Variants in FSHR observed in about 807,000 individuals in gnomAD.
FSHR encodes follicle-stimulating hormone receptor.
FSHR carries 46 observed loss-of-function variants against 52.1 expected under a neutral mutation model. That is an observed-to-expected ratio of 0.88 (90% CI 0.70 to 1.13). The LOEUF (loss-of-function observed/expected upper bound fraction) is 1.13, where lower values mean the gene tolerates loss of function less well. Ranked by LOEUF, FSHR falls within the 50% of genes most tolerant of loss-of-function variation. The probability of loss-of-function intolerance (pLI) is 0.00; values close to 1 mark genes in which losing one functional copy is unlikely to be tolerated. For synonymous variants in FSHR, 399 were observed against 309.6 expected, an observed-to-expected ratio of 1.29 and a Z score of -3.03; for missense variants, 964 against 834.6, an observed-to-expected ratio of 1.16 and a Z score of -1.91.
intron 1 of FSHR, among the ~76,000 whole-genome samples, chr2:49,142,543 C>T (rs1479571467): frequency 6.6e-6 from 1 of 152,212 alleles, no homozygotes; most frequent in Non-Finnish European, 1.5e-5. Flanking sequence ...TCCTGACTCT[C>T]TGGCACCTCA....
chr2:49,066,904 C>T (rs574943868), intron 2 of FSHR, among the ~76,000 whole-genome samples: 4 of 152,146 alleles, frequency 2.6e-5, no homozygotes, highest in Non-Finnish European at 4.4e-5. Flanking sequence ...GCAAGGGAAT[C>T]GCGAATACAT....
intron 3 of FSHR, among the ~76,000 whole-genome samples, chr2:49,017,850 G>A (rs1322728571): frequency 6.6e-6 from 1 of 152,112 alleles, no homozygotes; most frequent in Non-Finnish European, 1.5e-5. Context: ...GGCTGGGTGG[G>A]TTCTTGTCAC....
At chr2:49,084,045 T>A (rs1670278506) in intron 1 of FSHR, among the ~76,000 whole-genome samples, 1 of 151,172 alleles carries the variant, frequency 6.6e-6, no homozygotes, top group Non-Finnish European at 1.5e-5. Flanking sequence ...AATATACATT[T>A]TTTTCAGCAC....
At chr2:49,050,096 T>C (rs985022228) in intron 2 of FSHR, among the ~76,000 whole-genome samples, 1 of 152,048 alleles carries the variant, frequency 6.6e-6, no homozygotes, top group African/African-American at 2.4e-5. Flanking sequence ...ACAAAAATAG[T>C]TATTTTCAGA....
intron 1 of FSHR, among the ~76,000 whole-genome samples, chr2:49,103,643 G>T (rs1671114734): frequency 6.6e-6 from 1 of 152,072 alleles, no homozygotes; most frequent in South Asian, 2.1e-4. Flanking sequence ...GTACAGTGAG[G>T]ACCTATCCCT....
intron 1 of FSHR, among the ~76,000 whole-genome samples, chr2:49,098,308 A>G (rs1670900370): frequency 1.3e-5 from 2 of 152,168 alleles, no homozygotes; most frequent in African/African-American, 4.8e-5. Flanking sequence ...ATAATTATAA[A>G]GGCACATGAT....
Position 48,964,290 on chromosome 2 carries a change from C to T in FSHR, c.855-324G>A, listed in dbSNP as rs1323537373. Among the ~76,000 whole-genome samples the T allele has an allele frequency of 6.6e-5, 10 of 152,234 alleles. No individual in the cohort carries two copies. In the East Asian group the frequency reaches 1.9e-3, roughly 29 times the overall value. On this transcript the variant is annotated intron_variant, in intron 9 of 9. Transcript: ENST00000406846. ...TTTACAGAGCTGGCATCAACTCGAC[C>T]CTTTTCCTTCTCCCATCTTGATCCA...
chr2:49,003,882 T>G (rs758587391), intron 4 of FSHR, among the ~76,000 whole-genome samples: 2 of 149,476 alleles, frequency 1.3e-5, no homozygotes, highest in African/African-American at 2.5e-5. Flanking sequence ...CCCTGCCTCC[T>G]CTGGCCCATC....
In FSHR at chr2:48,990,986, C is replaced by G. The variant is rs76132138; in HGVS notation, c.375-349G>C. The stretch of plus-strand genomic sequence containing the variant: ...AAATTTCCCCTATTTCCAACCTCAT[C>G]ATACTTGTTGGAAAACTCCTTTCTC... On this transcript the variant is annotated intron_variant, in intron 4 of 9. Coordinates refer to ENST00000406846, the MANE Select transcript of FSHR (RefSeq NM_000145.4). Among the ~76,000 whole-genome samples, 672 of 152,180 alleles carry G rather than the reference C, an allele frequency of 4.4e-3. 23 individuals carry two copies. The highest frequency in any genetic ancestry group is 0.03 in the Admixed American group (456 of 15,284).
At chr2:49,097,159 G>A (rs534317937) in intron 1 of FSHR, among the ~76,000 whole-genome samples, 2 of 152,240 alleles carry the variant, frequency 1.3e-5, no homozygotes, top group Admixed American at 1.3e-4. Context: ...TATATAAAAT[G>A]TTCTGCTTTT....
At chr2:49,145,120 T>A (rs1366987394) in intron 1 of FSHR, among the ~76,000 whole-genome samples, 1 of 152,056 alleles carries the variant, frequency 6.6e-6, no homozygotes, top group Non-Finnish European at 1.5e-5. Flanking sequence ...CATAAAATAG[T>A]ATTTATCAAT....
intron 1 of FSHR, among the ~76,000 whole-genome samples, chr2:49,075,925 A>G (rs1322489519): frequency 1.3e-5 from 2 of 152,154 alleles, no homozygotes; most frequent in African/African-American, 4.8e-5. Context: ...CAGGCATGAG[A>G]CACCACAGCT....
chr2:49,131,683 A>G (rs1461694351), intron 1 of FSHR, among the ~76,000 whole-genome samples: 1 of 152,042 alleles, frequency 6.6e-6, no homozygotes, highest in Non-Finnish European at 1.5e-5. Flanking sequence ...CCTCTCCCCT[A>G]CTCAAGCACT....
In FSHR at chr2:48,990,649, C is replaced by G. The variant is rs574746126; in HGVS notation, c.375-12G>C. 6.5e-7 allele frequency: 1 copy of G among 1,545,218 alleles called. No homozygotes were observed. The highest frequency in any genetic ancestry group is 8.9e-7 in the Non-Finnish European group (1 of 1,117,846). On this transcript the variant is annotated splice_polypyrimidine_tract_variant and intron_variant, in intron 4 of 9. Transcript: ENST00000406846. ...TGTTGGATATTAACCTAGAGAGAAACAAAATGAGAGTGAGTGAAAATGAAA... is the reference window on the plus strand; with the variant it reads ...TGTTGGATATTAACCTAGAGAGAAAGAAAATGAGAGTGAGTGAAAATGAAA...
chr2:49,089,094 T>G (rs1670503155), intron 1 of FSHR, among the ~76,000 whole-genome samples: 1 of 89,648 alleles, frequency 1.1e-5, no homozygotes, highest in Admixed American at 1.1e-4. Flanking sequence ...AATTCACTTC[T>G]AATATAATAT....
At chr2:49,126,145 A>C (rs1671988994) in intron 1 of FSHR, among the ~76,000 whole-genome samples, 1 of 152,212 alleles carries the variant, frequency 6.6e-6, no homozygotes. Flanking sequence ...GTGGTGTTAT[A>C]ACAGAATATC....
At chr2:49,035,128 A>T (rs1668233054) in intron 2 of FSHR, among the ~76,000 whole-genome samples, 1 of 152,162 alleles carries the variant, frequency 6.6e-6, no homozygotes, top group African/African-American at 2.4e-5. Context: ...ACTTTATATA[A>T]AGCATTGCTC....
At chr2:49,056,258 A>G (rs2104313938) in intron 2 of FSHR, among the ~76,000 whole-genome samples, 1 of 151,994 alleles carries the variant, frequency 6.6e-6, no homozygotes, top group East Asian at 1.9e-4. Flanking sequence ...TTTACCTGTA[A>G]AGACACATAG....
intron 1 of FSHR, among the ~76,000 whole-genome samples, chr2:49,149,080 T>G (rs138559514): frequency 1.3e-5 from 2 of 152,064 alleles, no homozygotes; most frequent in African/African-American, 4.8e-5. Flanking sequence ...AAAAATATTA[T>G]TATTAGTAGC....
Sources: gnomAD v4.1 joint callset for allele counts (sites outside exome capture counted in the v4.1 genomes callset) on GRCh38, gnomAD v4.1.1 for gene constraint, MANE v1.5 for transcripts, NCBI Gene and HGNC (gene_info 2026-07-23, HGNC 2026-07-21) for gene names.